Variants in SPAG17 observed in about 807,000 individuals in gnomAD.
SPAG17 encodes sperm-associated antigen 17.
SPAG17 carries 169 observed loss-of-function variants against 273.6 expected under a neutral mutation model. The ratio of observed to expected loss-of-function variants is 0.62; its 90% CI spans 0.55 to 0.70. SPAG17 has a LOEUF of 0.70. SPAG17 is among the 30% of genes least tolerant of loss of function. SPAG17 has a pLI of 0.00. For synonymous variants in SPAG17, 825 were observed against 873.2 expected, an observed-to-expected ratio of 0.94 and a Z score of 0.97; for missense variants, 2,557 against 2,627.8, an observed-to-expected ratio of 0.97 and a Z score of 0.59.
At chr1:118,126,105 G>T (rs1570738848) in intron 3 of SPAG17, among the ~76,000 whole-genome samples, 3 of 118,660 alleles carry the variant, frequency 2.5e-5, no homozygotes, top group Admixed American at 1.8e-4. Context: ...TTATGGTTTT[G>T]ATTTGTATTT....
intron 1 of SPAG17, among the ~76,000 whole-genome samples, chr1:118,181,365 A>G (rs1660933625): frequency 6.6e-6 from 1 of 152,126 alleles, no homozygotes; most frequent in African/African-American, 2.4e-5. Context: ...AAAAAAAACA[A>G]AACTACTCAG....
At chr1:118,096,805 G>T (rs1295419770) in intron 7 of SPAG17, among the ~76,000 whole-genome samples, 1 of 152,136 alleles carries the variant, frequency 6.6e-6, no homozygotes, top group African/African-American at 2.4e-5. Context: ...CTGTTTCACG[G>T]TTTTAGTCTT....
chr1:118,176,040 G>A (rs975026257), intron 1 of SPAG17, among the ~76,000 whole-genome samples: 7 of 152,096 alleles, frequency 4.6e-5, no homozygotes, highest in African/African-American at 7.2e-5. Flanking sequence ...TCTAAGCTAA[G>A]TGATCATCTC....
intron 48 of SPAG17, chr1:117,954,641 C>G: frequency 1.2e-6 from 2 of 1,610,276 alleles, no homozygotes; most frequent in Non-Finnish European, 1.7e-6. Context: ...AGTAAAATGT[C>G]TAACGGTTTT....
chr1:118,008,417 AT>A (rs1212216804), intron 30 of SPAG17, among the ~76,000 whole-genome samples: 1 of 152,082 alleles, frequency 6.6e-6, no homozygotes, highest in African/African-American at 2.4e-5. Flanking sequence ...AATCTTCTTA[AT>A]TTAGTATGCT....
intron 15 of SPAG17, among the ~76,000 whole-genome samples, chr1:118,075,577 T>A (rs908871976): frequency 1.7e-4 from 26 of 152,086 alleles, no homozygotes; most frequent in Non-Finnish European, 3.8e-4. Context: ...AGAAATAGAG[T>A]ATGTGTGTGT....
chr1:118,141,113 A>G (rs1300596649), intron 3 of SPAG17, among the ~76,000 whole-genome samples: 1 of 151,520 alleles, frequency 6.6e-6, no homozygotes, highest in Non-Finnish European at 1.5e-5. Flanking sequence ...AAAATTGTGT[A>G]TATATTTGTT....
At position 117,996,504 on chromosome 1, in the gene SPAG17, T is replaced by A. The variant is rs952487347; in HGVS notation, c.4923-4A>T. On this transcript the variant is annotated splice_polypyrimidine_tract_variant and splice_region_variant and intron_variant, in intron 33 of 48. Coordinates refer to ENST00000336338, the MANE Select transcript of SPAG17 (RefSeq NM_206996.4). Reference sequence around the variant, plus strand: ...ATCAGCATACATAACAAAAAACCTATTTGAAGAAATAAAAATATAATCACT... The same window carrying A: ...ATCAGCATACATAACAAAAAACCTAATTGAAGAAATAAAAATATAATCACT... 6.2e-7 allele frequency: 1 copy of A among 1,608,766 alleles called. No individual in the cohort carries two copies. Among genetic ancestry groups the A allele is most frequent in the Admixed American group, 1.7e-5 (1 of 58,512 alleles).
At chr1:118,138,523 CCACACATATACACACATATA>C (rs11471352) in intron 3 of SPAG17, among the ~76,000 whole-genome samples, 12 of 152,106 alleles carry the variant, frequency 7.9e-5, no homozygotes, top group African/African-American at 2.7e-4. Flanking sequence ...ACATCACAAA[CCACACATATACACACATATA>C]CACACATATA....
chr1:117,953,776 G>C lies in SPAG17; in HGVS notation c.*274C>G. On this transcript the variant is annotated 3_prime_UTR_variant, in exon 49 of 49. Coordinates refer to ENST00000336338, the MANE Select transcript of SPAG17 (RefSeq NM_206996.4). ...TCCTGGGACCTGCCCTATTCAGAGTGTCTAGATATCATCCCACCTGAGTCC... is the reference window on the plus strand; with the variant it reads ...TCCTGGGACCTGCCCTATTCAGAGTCTCTAGATATCATCCCACCTGAGTCC... 1 of 605,198 alleles carries C rather than the reference G, an allele frequency of 1.7e-6. No homozygotes were observed. The highest frequency in any genetic ancestry group is 2.9e-6 in the Non-Finnish European group (1 of 346,422). The allele number at this position is 605,198 out of a possible 1,614,324, so 37.5% of individuals were successfully genotyped here. A position where few individuals can be genotyped will look rare whatever the true frequency, so the allele number is the denominator to read the frequency against.
chr1:117,964,102 G>T, intron 47 of SPAG17, 164 bp from the exon 48 acceptor site: 1 of 669,186 alleles, frequency 1.5e-6, no homozygotes, highest in Non-Finnish European at 2.5e-6. Context: ...TTGGGGGTTA[G>T]AGGATGGATA....
chr1:117,991,440 GC>G lies in SPAG17; in HGVS notation c.5449del (p.Ala1817LeufsTer29). The G allele has an allele frequency of 1.9e-6, 3 of 1,609,676 alleles. No individual in the cohort carries two copies. The highest frequency in any genetic ancestry group is 2.5e-6 in the Non-Finnish European group (3 of 1,177,198). On this transcript the variant is annotated frameshift_variant, in exon 37 of 49. Coordinates refer to ENST00000336338, the MANE Select transcript of SPAG17 (RefSeq NM_206996.4). LOFTEE classifies it high-confidence loss of function. ...CATAACCAGCTTGAGGAGATCAGCA[GC>G]ATTGCCTCTCTCCTCCTCAGTTCTG... Reference protein sequence around the residue: ...DSRTEEERGNAADLLKLVMSF... With the variant: ...DSRTEEERGNXADLLKLVMSF...
At chr1:118,033,664 G>A (rs1258552432) in intron 24 of SPAG17, among the ~76,000 whole-genome samples, 1 of 152,210 alleles carries the variant, frequency 6.6e-6, no homozygotes, top group African/African-American at 2.4e-5. Context: ...CACTGCCTAT[G>A]TAGGGCATAT....
At chr1:117,996,805 TG>T in intron 32 of SPAG17, 62 bp from the exon 33 acceptor site, 1 of 1,467,008 alleles carries the variant, frequency 6.8e-7, no homozygotes, top group Non-Finnish European at 9.1e-7. Context: ...AAACTTCTGC[TG>T]ATTCAATTTG....
intron 20 of SPAG17, among the ~76,000 whole-genome samples, chr1:118,051,970 A>T (rs1187519606): frequency 2.2e-5 from 3 of 137,942 alleles, no homozygotes; most frequent in Admixed American, 7.4e-5. Context: ...CATTATGTAC[A>T]TACTACATTA....
chr1:117,967,296 CAAAA>C (rs5777330), intron 46 of SPAG17, among the ~76,000 whole-genome samples: 6 of 86,082 alleles, frequency 7.0e-5, no homozygotes, highest in South Asian at 3.7e-4. Flanking sequence ...AACTCCATCT[CAAAA>C]AAAAAAAAAA....
Position 118,025,275 on chromosome 1 carries a change from C to T in SPAG17, c.3872G>A (p.Gly1291Asp). 1 of 1,613,620 alleles carries T rather than the reference C, an allele frequency of 6.2e-7. No homozygotes were observed. The highest frequency in any genetic ancestry group is 8.5e-7 in the Non-Finnish European group (1 of 1,179,772). ...ATCCAACATATATTTGACAACAGTG[C>T]CTTGACTGGTGATAACCCTTGAAGC... is the stretch of plus-strand genomic sequence containing the variant. ...QEASRVITSQ[G>D]TVVKYMLDGS... The change falls in exon 27 of 49, where the codon GGC (glycine) becomes GAC (aspartate). Residue 1291 changes from glycine to aspartate, a missense_variant. Transcript: ENST00000336338.
intron 24 of SPAG17, among the ~76,000 whole-genome samples, chr1:118,032,693 G>A (rs981517054): frequency 6.6e-6 from 1 of 152,084 alleles, no homozygotes; most frequent in African/African-American, 2.4e-5. Flanking sequence ...CCGGGTTCAA[G>A]TGATTCTTGT....
chr1:117,989,850 G>A (rs1656879339), intron 38 of SPAG17, among the ~76,000 whole-genome samples: 1 of 152,058 alleles, frequency 6.6e-6, no homozygotes, highest in African/African-American at 2.4e-5. Context: ...GAAGTGCTAG[G>A]ATTACAGGCA....
Sources: gnomAD v4.1 joint callset for allele counts (sites outside exome capture counted in the v4.1 genomes callset) on GRCh38, gnomAD v4.1.1 for gene constraint, MANE v1.5 for transcripts, NCBI Gene and HGNC (gene_info 2026-07-23, HGNC 2026-07-21) for gene names.